The following SLC44A5 variants were observed in gnomAD, a reference collection of about 807,000 sequenced individuals.
SLC44A5 encodes choline transporter-like protein 5.
SLC44A5 carries 57 observed loss-of-function variants against 101.8 expected under a neutral mutation model. That is an observed-to-expected ratio of 0.56 (90% CI 0.45 to 0.70). The LOEUF (loss-of-function observed/expected upper bound fraction) is 0.70, where lower values mean the gene tolerates loss of function less well. Among genes scored for constraint, SLC44A5 ranks in the 30% least tolerant of loss-of-function variants. SLC44A5 has a pLI of 0.00. For synonymous variants in SLC44A5, 281 were observed against 290.9 expected (o/e 0.97, Z 0.35); for missense variants, 737 against 853.1 (o/e 0.86, Z 1.70).
the SLC44A5 span, among the ~76,000 whole-genome samples, chr1:75,658,194 C>A: frequency 6.6e-6 from 1 of 152,106 alleles, no homozygotes; most frequent in South Asian, 2.1e-4. Flanking sequence ...CCAACTCAGC[C>A]TCAAAGGTAG....
chr1:75,446,471 T>G (rs2101645574), intron 2 of SLC44A5, among the ~76,000 whole-genome samples: 1 of 152,242 alleles, frequency 6.6e-6, no homozygotes, highest in South Asian at 2.1e-4. Flanking sequence ...GCTTACATTT[T>G]TATCCAAAAA....
intron 2 of SLC44A5, among the ~76,000 whole-genome samples, chr1:75,473,539 G>A (rs1007066587): frequency 4.6e-5 from 7 of 152,068 alleles, no homozygotes; most frequent in East Asian, 1.9e-4. Context: ...CTTGATTTGC[G>A]CTGTTCTTTG....
At chr1:75,707,462 T>G in the SLC44A5 span, among the ~76,000 whole-genome samples, 1 of 152,164 alleles carries the variant, frequency 6.6e-6, no homozygotes, top group Non-Finnish European at 1.5e-5. Flanking sequence ...TGTTTAAGAT[T>G]AATTACCCCA....
chr1:75,227,660 C>T (rs1647239365), intron 13 of SLC44A5, 66 bp downstream of exon 13: 1 of 1,371,460 alleles, frequency 7.3e-7, no homozygotes, highest in South Asian at 1.6e-5. Flanking sequence ...CCCAAGTTTT[C>T]CTTTAGGCAA....
intron 2 of SLC44A5, among the ~76,000 whole-genome samples, chr1:75,469,580 A>T (rs2101724382): frequency 6.6e-6 from 1 of 152,290 alleles, no homozygotes; most frequent in East Asian, 1.9e-4. Flanking sequence ...ATAATGGAAT[A>T]AAAATATTAT....
chr1:75,383,473 G>A (rs1456276988), intron 3 of SLC44A5, among the ~76,000 whole-genome samples: 1 of 152,142 alleles, frequency 6.6e-6, no homozygotes, highest in East Asian at 1.9e-4. Context: ...AAGATGAAAT[G>A]AATGAAATGA....
the SLC44A5 span, among the ~76,000 whole-genome samples, chr1:75,671,632 G>A: frequency 6.6e-6 from 1 of 152,186 alleles, no homozygotes; most frequent in African/African-American, 2.4e-5. Context: ...TTGAATTAAT[G>A]ACTGGATCAC....
chr1:75,500,142 A>G (rs1221557446), intron 2 of SLC44A5, among the ~76,000 whole-genome samples: 1 of 152,184 alleles, frequency 6.6e-6, no homozygotes, highest in Non-Finnish European at 1.5e-5. Context: ...TGTGAACCCA[A>G]TATTGCTATT....
At chr1:75,639,664 A>G in the SLC44A5 span, among the ~76,000 whole-genome samples, 2 of 152,070 alleles carry the variant, frequency 1.3e-5, no homozygotes, top group African/African-American at 4.8e-5. Context: ...TTACATGCTA[A>G]ACCTGGCTCT....
chr1:75,284,742 C>T (rs978021488), intron 5 of SLC44A5, among the ~76,000 whole-genome samples: 3 of 152,016 alleles, frequency 2.0e-5, no homozygotes, highest in Non-Finnish European at 4.4e-5. Context: ...TTATCAAATG[C>T]TTTTCCTGTG....
chr1:75,380,258 C>G (rs1168346746), intron 3 of SLC44A5, among the ~76,000 whole-genome samples: 17 of 83,912 alleles, frequency 2.0e-4, no homozygotes, highest in Non-Finnish European at 2.9e-4. Flanking sequence ...AAAATCCCCA[C>G]AGGGGTATAT....
At chr1:75,636,541 G>A in the SLC44A5 span, among the ~76,000 whole-genome samples, 2 of 152,170 alleles carry the variant, frequency 1.3e-5, no homozygotes, top group Admixed American at 6.6e-5. Context: ...TCTGTTTTAA[G>A]AAGTAAATGA....
chr1:75,302,806 G>A (rs1043364111), intron 4 of SLC44A5, among the ~76,000 whole-genome samples: 2 of 152,158 alleles, frequency 1.3e-5, no homozygotes, highest in Admixed American at 6.5e-5. Flanking sequence ...GCTAGCAAGT[G>A]GCAAAAGGGC....
At chr1:75,538,996 G>C (rs1671203354) in intron 2 of SLC44A5, among the ~76,000 whole-genome samples, 1 of 152,140 alleles carries the variant, frequency 6.6e-6, no homozygotes, top group Non-Finnish European at 1.5e-5. Flanking sequence ...TAAGCATCAG[G>C]CTTAGCCAGG....
intron 5 of SLC44A5, among the ~76,000 whole-genome samples, chr1:75,287,020 G>A (rs945998917): frequency 3.3e-5 from 5 of 152,184 alleles, no homozygotes; most frequent in Non-Finnish European, 5.9e-5. Flanking sequence ...TCCTCGATTA[G>A]TCCCTCAAAT....
chr1:75,672,980 T>A, the SLC44A5 span, among the ~76,000 whole-genome samples: 3 of 152,224 alleles, frequency 2.0e-5, no homozygotes, highest in South Asian at 4.1e-4. Flanking sequence ...GGGCCTTGGG[T>A]GAGACTCAGA....
chr1:75,675,626 T>C, the SLC44A5 span, among the ~76,000 whole-genome samples: 1 of 152,132 alleles, frequency 6.6e-6, no homozygotes, highest in East Asian at 1.9e-4. Flanking sequence ...GGCAATAACA[T>C]TCAGGACATA....
intron 4 of SLC44A5, among the ~76,000 whole-genome samples, chr1:75,334,481 GT>G (rs1451580775): frequency 2.6e-5 from 4 of 152,122 alleles, no homozygotes; most frequent in Non-Finnish European, 5.9e-5. Flanking sequence ...GTTCTAAGAG[GT>G]AAAAAGAAGA....
intron 4 of SLC44A5, among the ~76,000 whole-genome samples, chr1:75,334,554 T>C (rs1657297710): frequency 6.6e-6 from 1 of 152,152 alleles, no homozygotes; most frequent in African/African-American, 2.4e-5. Context: ...TCTAGCACTA[T>C]TGTGTTTAAC....
Sources: allele counts gnomAD v4.1 joint callset (sites outside exome capture counted in the v4.1 genomes callset), GRCh38; gene constraint gnomAD v4.1.1; transcripts MANE v1.5; gene names NCBI Gene and HGNC (gene_info 2026-07-23, HGNC 2026-07-21).